The following INTS6L variants were observed in gnomAD, a reference collection of about 807,000 sequenced individuals.
The protein encoded by INTS6L is integrator complex subunit 6-like.
A neutral mutation model predicts 64.7 loss-of-function variants in INTS6L; 18 were observed. The ratio of observed to expected loss-of-function variants is 0.28; its 90% CI spans 0.19 to 0.41. INTS6L has a LOEUF of 0.41. INTS6L is among the 10% of genes least tolerant of loss of function. The pLI, the probability that INTS6L is intolerant of heterozygous loss-of-function variation, is 1.00. For synonymous variants in INTS6L, 227 were observed against 235.9 expected, an observed-to-expected ratio of 0.96 and a Z score of 0.34; for missense variants, 533 against 661.0, an observed-to-expected ratio of 0.81 and a Z score of 2.12.
At chrX:135,563,126 C>G (rs185363199) in intron 9 of INTS6L, among the ~76,000 whole-genome samples, 73 of 110,953 alleles carry the variant, frequency 6.6e-4, no homozygotes, top group Non-Finnish European at 1.0e-3. Context: ...ATAGTACTTT[C>G]AAGTATATCT....
intron 2 of INTS6L, among the ~76,000 whole-genome samples, chrX:135,525,203 A>G (rs1556500527): frequency 8.9e-6 from 1 of 112,257 alleles, no homozygotes; most frequent in African/African-American, 3.2e-5. Flanking sequence ...CCTTTTATTT[A>G]GTGAATAGAA....
chrX:135,556,027 A>G (rs1482906941), intron 8 of INTS6L, 141 bp from the exon 9 acceptor site: 13 of 596,711 alleles, frequency 2.2e-5, no homozygotes, highest in Non-Finnish European at 3.2e-5. Context: ...TTTTGACATA[A>G]CCATAGGCTA....
chrX:135,573,823 T>C, intron 12 of INTS6L, 116 bp from the exon 13 acceptor site: 1 of 843,160 alleles, frequency 1.2e-6, no homozygotes, highest in East Asian at 3.8e-5. Flanking sequence ...AAAATTCTAC[T>C]GTAGTCAGTT....
chrX:135,558,787 C>CTTT, intron 9 of INTS6L, among the ~76,000 whole-genome samples: 1 of 94,671 alleles, frequency 1.1e-5, no homozygotes. Context: ...TTTCTTTTTT[C>CTTT]TTTTTTTTTT....
rs2085515730 is a variant in INTS6L at position 135,520,838 on chromosome X, G to A, written c.-155G>A. 1.9e-6 allele frequency: 1 copy of A among 522,625 alleles called. No individual in the cohort carries two copies. The highest frequency in any genetic ancestry group is 3.2e-6 in the Non-Finnish European group (1 of 311,117). 43.1% of individuals were successfully genotyped at this position (522,625 alleles called of 1,213,427 possible). On this transcript the variant is annotated 5_prime_UTR_variant, in exon 1 of 18. Coordinates refer to ENST00000639893, the MANE Select transcript of INTS6L (RefSeq NM_001351601.3). ...GGGCTGCAGAAAGAGGAGGCCAGGA[G>A]CGGTCCCATCCGTCCCGTCCCGTCC...
At chrX:135,541,556 C>A (rs1292402977) in intron 2 of INTS6L, among the ~76,000 whole-genome samples, 1 of 112,120 alleles carries the variant, frequency 8.9e-6, no homozygotes, top group Non-Finnish European at 1.9e-5. Context: ...TCAGATAGTG[C>A]AGCTGTAGAA....
intron 2 of INTS6L, among the ~76,000 whole-genome samples, chrX:135,530,679 G>C (rs1556504325): frequency 8.9e-6 from 1 of 111,821 alleles, no homozygotes; most frequent in Non-Finnish European, 1.9e-5. Flanking sequence ...AGCCTTATCT[G>C]CTGGTGTGGT....
chrX:135,560,933 CTT>C (rs1287007855), intron 9 of INTS6L, among the ~76,000 whole-genome samples: 2 of 92,591 alleles, frequency 2.2e-5, no homozygotes, highest in African/African-American at 3.7e-5. Context: ...CTCAAATGCT[CTT>C]TCTTTTTTTT....
chrX:135,558,205 T>C (rs1417091893), intron 9 of INTS6L, among the ~76,000 whole-genome samples: 5 of 111,853 alleles, frequency 4.5e-5, no homozygotes, highest in African/African-American at 1.6e-4. Context: ...CTCTTAGGAA[T>C]GTAAAATGGT....
intron 2 of INTS6L, among the ~76,000 whole-genome samples, chrX:135,528,630 G>A (rs1221133507): frequency 8.9e-6 from 1 of 112,093 alleles, no homozygotes; most frequent in Non-Finnish European, 1.9e-5. Context: ...TGCTTCAACA[G>A]ACAGTGTAAA....
At chrX:135,556,521 G>A (rs1394729542) in intron 9 of INTS6L, among the ~76,000 whole-genome samples, 1 of 111,395 alleles carries the variant, frequency 9.0e-6, no homozygotes, top group Non-Finnish European at 1.9e-5. Flanking sequence ...TTGTTCTTCA[G>A]GTTGCAACTT....
intron 17 of INTS6L, 123 bp downstream of exon 17, chrX:135,581,266 T>G: frequency 1.9e-6 from 1 of 516,662 alleles, no homozygotes; most frequent in East Asian, 3.8e-5. Context: ...CCCTCACTCA[T>G]AGTTAAGGCT....
chrX:135,528,549 G>T (rs148330769), intron 2 of INTS6L, among the ~76,000 whole-genome samples: 132 of 111,005 alleles, frequency 1.2e-3, no homozygotes, highest in African/African-American at 4.2e-3. Context: ...ACATTTACAC[G>T]GTTCAGCATA....
At chrX:135,527,031 A>G (rs2085758363) in intron 2 of INTS6L, among the ~76,000 whole-genome samples, 1 of 112,059 alleles carries the variant, frequency 8.9e-6, no homozygotes, top group South Asian at 3.7e-4. Context: ...TTTTTTATAG[A>G]AGTATAATTC....
In INTS6L at chrX:135,528,868, C is replaced by CA. The variant is rs1284817178; in HGVS notation, c.189+7550_189+7551insA. ...TGGAAGTTCCGTTTAAAATGAACAC[C>CA]CCCCCCCCCGACCCACCGCAATAAA... is the stretch of plus-strand genomic sequence containing the variant. On this transcript the variant is annotated intron_variant, in intron 2 of 17. Coordinates refer to ENST00000639893, the MANE Select transcript of INTS6L (RefSeq NM_001351601.3). Among the ~76,000 whole-genome samples the CA allele has an allele frequency of 5.5e-5, 4 of 72,718 alleles. No homozygotes were observed. In the South Asian group the frequency reaches 2.8e-3, roughly 51 times the overall value. The allele number at this position is 72,718 out of a possible 115,157, so 63.1% of individuals were successfully genotyped here.
chrX:135,581,713 A>G lies in INTS6L; in HGVS notation c.*77A>G, dbSNP rs2148684435. The G allele has an allele frequency of 2.3e-6, 2 of 857,420 alleles. No homozygotes were observed. The highest frequency in any genetic ancestry group is 3.4e-5 in the East Asian group (1 of 29,338). The allele number at this position is 857,420 out of a possible 1,213,427, so 70.7% of individuals were successfully genotyped here. A position where few individuals can be genotyped will look rare whatever the true frequency, so the allele number is the denominator to read the frequency against. On this transcript the variant is annotated 3_prime_UTR_variant, in exon 18 of 18. Coordinates refer to ENST00000639893, the MANE Select transcript of INTS6L (RefSeq NM_001351601.3). ...ACAGGATATTGTTGAAGCCTCCTGGAATGTTTGAGTCAAGGGAATTGCTTT... is the reference window on the plus strand; with the variant it reads ...ACAGGATATTGTTGAAGCCTCCTGGGATGTTTGAGTCAAGGGAATTGCTTT...
At chrX:135,560,615 G>T (rs1293524210) in intron 9 of INTS6L, among the ~76,000 whole-genome samples, 1 of 111,971 alleles carries the variant, frequency 8.9e-6, no homozygotes, top group Non-Finnish European at 1.9e-5. Flanking sequence ...AGCCAAGGCG[G>T]GTGGATCACC....
intron 7 of INTS6L, among the ~76,000 whole-genome samples, chrX:135,550,746 G>T (rs1556516731): frequency 9.0e-6 from 1 of 111,617 alleles, no homozygotes; most frequent in Non-Finnish European, 1.9e-5. Context: ...AGACTGAAGA[G>T]CCCTTTTGGC....
At chrX:135,528,001 G>C (rs1222431172) in intron 2 of INTS6L, among the ~76,000 whole-genome samples, 1 of 111,633 alleles carries the variant, frequency 9.0e-6, no homozygotes, top group Non-Finnish European at 1.9e-5. Flanking sequence ...CACATCTCAG[G>C]AAGAAATGTG....
Sources: gnomAD v4.1 joint callset for allele counts (sites outside exome capture counted in the v4.1 genomes callset) on GRCh38, gnomAD v4.1.1 for gene constraint, MANE v1.5 for transcripts, NCBI Gene and HGNC (gene_info 2026-07-23, HGNC 2026-07-21) for gene names.